IFTAP: variants seen among roughly 807,000 people sequenced by gnomAD.
The protein encoded by IFTAP is intraflagellar transport associated protein, also known as intraflagellar transport-associated protein.
In IFTAP, 19 loss-of-function variants were observed where a neutral mutation model predicts 19.4. That is an observed-to-expected ratio of 0.98 (90% CI 0.68 to 1.44). The LOEUF (loss-of-function observed/expected upper bound fraction) is 1.44, where lower values mean the gene tolerates loss of function less well. Among genes scored for constraint, IFTAP ranks in the 40% most tolerant of loss-of-function variants. The probability of loss-of-function intolerance (pLI) is 0.00; values close to 1 mark genes in which losing one functional copy is unlikely to be tolerated. For synonymous variants in IFTAP, 85 were observed against 83.5 expected, an observed-to-expected ratio of 1.02 and a Z score of -0.10; for missense variants, 240 against 253.6, an observed-to-expected ratio of 0.95 and a Z score of 0.36.
chr11:36,609,787 G>C (rs1851809889), intron 1 of IFTAP, among the ~76,000 whole-genome samples: 1 of 152,068 alleles, frequency 6.6e-6, no homozygotes, highest in Non-Finnish European at 1.5e-5. Context: ...AAGACTTTGA[G>C]TTTCTAATTG....
At chr11:36,597,924 G>C (rs1851343075) in intron 1 of IFTAP, among the ~76,000 whole-genome samples, 1 of 152,074 alleles carries the variant, frequency 6.6e-6, no homozygotes, top group Non-Finnish European at 1.5e-5. Context: ...AATCCCTGAA[G>C]CAGCCAGAGA....
intron 2 of IFTAP, among the ~76,000 whole-genome samples, chr11:36,631,972 A>G (rs549169752): frequency 6.6e-6 from 1 of 150,896 alleles, no homozygotes; most frequent in Non-Finnish European, 1.5e-5. Flanking sequence ...TTTTTCTTCT[A>G]TTCTCTAAAG....
chr11:36,628,012 T>C (rs922526029), intron 2 of IFTAP, among the ~76,000 whole-genome samples: 2 of 150,584 alleles, frequency 1.3e-5, no homozygotes, highest in Non-Finnish European at 2.9e-5. Context: ...GCGAACTCTT[T>C]TTTTTTTTTT....
chr11:36,620,992 A>C (rs1390211124), intron 2 of IFTAP, among the ~76,000 whole-genome samples: 4 of 152,038 alleles, frequency 2.6e-5, no homozygotes, highest in Admixed American at 2.6e-4. Flanking sequence ...TTACAGAATG[A>C]AAGAGAACTA....
chr11:36,623,469 T>C (rs1264778164), intron 2 of IFTAP, among the ~76,000 whole-genome samples: 2 of 151,980 alleles, frequency 1.3e-5, no homozygotes, highest in African/African-American at 2.4e-5. Flanking sequence ...AAAAGGATGA[T>C]GGGTTATAGG....
At chr11:36,643,739 A>C (rs1282723883) in intron 4 of IFTAP, among the ~76,000 whole-genome samples, 1 of 152,160 alleles carries the variant, frequency 6.6e-6, no homozygotes, top group Admixed American at 6.6e-5. Flanking sequence ...CTAAAACAAG[A>C]GATGGGGAAA....
rs148066731 is a variant in IFTAP at position 36,648,518 on chromosome 11, T to C, written c.498+363T>C. ...CTATAAACTTTTGAATTAGTTGAGG[T>C]AAGGCCAGGCTGCTATAACAGAGAA... On this transcript the variant is annotated intron_variant, in intron 5 of 5. Transcript: ENST00000334307. Among the ~76,000 whole-genome samples, 294 of 152,216 alleles carry C rather than the reference T, an allele frequency of 1.9e-3. 4 individuals are homozygous for C. Among genetic ancestry groups the C allele is most frequent in the African/African-American group, 6.7e-3 (279 of 41,554 alleles).
intron 2 of IFTAP, among the ~76,000 whole-genome samples, chr11:36,624,175 T>A (rs1417217377): frequency 6.6e-6 from 1 of 152,016 alleles, no homozygotes; most frequent in Non-Finnish European, 1.5e-5. Flanking sequence ...GTACAAAAAT[T>A]AGAAAATACT....
chr11:36,648,773 A>G (rs896587598), intron 5 of IFTAP, among the ~76,000 whole-genome samples: 3 of 152,076 alleles, frequency 2.0e-5, no homozygotes. Context: ...TGGGGGCAGC[A>G]TGTTTCCCCA....
chr11:36,622,677 A>G (rs1852346818), intron 2 of IFTAP, among the ~76,000 whole-genome samples: 1 of 152,120 alleles, frequency 6.6e-6, no homozygotes, highest in Admixed American at 6.6e-5. Flanking sequence ...AATACACATG[A>G]AAGTATTTGG....
intron 4 of IFTAP, among the ~76,000 whole-genome samples, chr11:36,636,600 C>T (rs1852961729): frequency 6.6e-6 from 1 of 152,294 alleles, no homozygotes; most frequent in African/African-American, 2.4e-5. Flanking sequence ...ATGTCAAGGC[C>T]TTCCCACATG....
At chr11:36,645,705 A>G (rs1590231199) in intron 4 of IFTAP, among the ~76,000 whole-genome samples, 1 of 152,202 alleles carries the variant, frequency 6.6e-6, no homozygotes, top group Non-Finnish European at 1.5e-5. Flanking sequence ...TTGCCCTTTT[A>G]TAAATCTGTC....
intron 1 of IFTAP, among the ~76,000 whole-genome samples, chr11:36,606,173 A>G (rs999692019): frequency 6.6e-6 from 1 of 152,214 alleles, no homozygotes; most frequent in African/African-American, 2.4e-5. Flanking sequence ...TAAAAAGTCA[A>G]TAAGGCCACG....
At chr11:36,650,903 C>T (rs536005842) in intron 5 of IFTAP, among the ~76,000 whole-genome samples, 1 of 152,044 alleles carries the variant, frequency 6.6e-6, no homozygotes, top group Non-Finnish European at 1.5e-5. Context: ...TTTTATGGCT[C>T]CATAGTATTC....
Position 36,630,935 on chromosome 11 carries a change from T to C in IFTAP, c.137-2349T>C, listed in dbSNP as rs544502114. On this transcript the variant is annotated intron_variant, in intron 2 of 5. Coordinates refer to ENST00000334307, the MANE Select transcript of IFTAP (RefSeq NM_138787.4). Reference sequence around the variant, plus strand: ...CCTTTCATCCTTCAGTTAACTCCTATTTCCAAGTGTCTCCATGCCTATCTT... The same window carrying C: ...CCTTTCATCCTTCAGTTAACTCCTACTTCCAAGTGTCTCCATGCCTATCTT... Among the ~76,000 whole-genome samples, 285 of 151,428 alleles carry C rather than the reference T, an allele frequency of 1.9e-3. 16 individuals carry two copies. The highest frequency in any genetic ancestry group is 6.8e-3 in the African/African-American group (277 of 40,702).
intron 1 of IFTAP, among the ~76,000 whole-genome samples, chr11:36,600,709 C>T (rs1851475678): frequency 6.6e-6 from 1 of 152,208 alleles, no homozygotes; most frequent in South Asian, 2.1e-4. Context: ...CTTAAAAGTT[C>T]TTCGAAGTTC....
rs1473505711 is a variant in IFTAP at position 36,614,362 on chromosome 11, A to G, written c.136+4123A>G. Among the ~76,000 whole-genome samples, 3 of 148,626 alleles carry G rather than the reference A, an allele frequency of 2.0e-5. No individual in the cohort carries two copies. The East Asian group carries it at 5.8e-4, about 29-fold the overall frequency. On this transcript the variant is annotated intron_variant, in intron 2 of 5. Transcript: ENST00000334307. ...GTTCCAACTCTTTGCTATTGTGAAT[A>G]ATGCCACAATAAACATACGTGTGCA...
At chr11:36,657,184 G>T (rs1271688994) in intron 5 of IFTAP, among the ~76,000 whole-genome samples, 1 of 152,090 alleles carries the variant, frequency 6.6e-6, no homozygotes, top group African/African-American at 2.4e-5. Flanking sequence ...AGCTAGAATC[G>T]GCTCCAGATG....
intron 2 of IFTAP, among the ~76,000 whole-genome samples, chr11:36,624,223 A>G (rs1170328151): frequency 6.6e-6 from 1 of 152,058 alleles, no homozygotes. Flanking sequence ...GCACACACTC[A>G]CACCCACACA....
Sources: gnomAD v4.1 joint callset for allele counts (sites outside exome capture counted in the v4.1 genomes callset) on GRCh38, gnomAD v4.1.1 for gene constraint, MANE v1.5 for transcripts, NCBI Gene and HGNC (gene_info 2026-07-23, HGNC 2026-07-21) for gene names.